TDRD9: variants seen among roughly 807,000 people sequenced by gnomAD.
TDRD9 encodes the protein tudor domain containing 9, also known as ATP-dependent RNA helicase TDRD9.
A neutral mutation model predicts 172.6 loss-of-function variants in TDRD9; 124 were observed. The ratio of observed to expected loss-of-function variants is 0.72; its 90% CI spans 0.62 to 0.83. TDRD9 has a LOEUF of 0.83. Ranked by LOEUF, TDRD9 falls within the 40% of genes least tolerant of loss-of-function variation. The pLI is 0.00. For missense variants in TDRD9, 1,479 were observed against 1,714.1 expected, an observed-to-expected ratio of 0.86 and a Z score of 2.42; for synonymous variants, 619 against 617.1, an observed-to-expected ratio of 1.00 and a Z score of -0.05.
At chr14:103,933,373 TCACG>T (rs1255675552) in intron 1 of TDRD9, among the ~76,000 whole-genome samples, 4 of 152,222 alleles carry the variant, frequency 2.6e-5, no homozygotes, top group Non-Finnish European at 5.9e-5. Context: ...TCTTCACAGC[TCACG>T]TTAACTCCTG....
At chr14:103,964,091 C>T (rs529482502) in intron 3 of TDRD9, among the ~76,000 whole-genome samples, 5 of 152,172 alleles carry the variant, frequency 3.3e-5, no homozygotes, top group African/African-American at 1.2e-4. Flanking sequence ...AACACACCCC[C>T]CAAAATTAGT....
chr14:103,967,616 A>G (rs2032808402), intron 5 of TDRD9, among the ~76,000 whole-genome samples: 1 of 152,214 alleles, frequency 6.6e-6, no homozygotes, highest in Admixed American at 6.5e-5. Context: ...GGGATAACGA[A>G]TAATACAACA....
chr14:103,950,303 T>C (rs1473339171), intron 1 of TDRD9, among the ~76,000 whole-genome samples: 1 of 151,494 alleles, frequency 6.6e-6, no homozygotes, highest in Non-Finnish European at 1.5e-5. Context: ...TTGGTTAGGC[T>C]GGGCTTGAAC....
intron 23 of TDRD9, among the ~76,000 whole-genome samples, chr14:104,021,261 C>T (rs558012266): frequency 6.9e-4 from 105 of 152,242 alleles, no homozygotes; most frequent in African/African-American, 2.5e-3. Flanking sequence ...CGCTCACAAT[C>T]CGGTCACCTC....
rs2035412109 is a variant in TDRD9, at chr14:104,035,120, G to T, written c.3716+64G>T. On this transcript the variant is annotated intron_variant, in intron 32 of 35. Transcript: ENST00000409874. ...AGAACCTGGGCGGGAAAAAACGGGT[G>T]CCTCTCCTTGCTCCTTTTGGAAAGA... The T allele has an allele frequency of 4.7e-6, 6 of 1,279,970 alleles. 1 individual carries two copies. The South Asian group carries it at 7.8e-5, about 17-fold the overall frequency. The allele number at this position is 1,279,970 out of a possible 1,614,324, so 79.3% of individuals were successfully genotyped here.
chr14:104,038,387 C>A (rs1469878923), intron 32 of TDRD9, among the ~76,000 whole-genome samples: 2 of 152,176 alleles, frequency 1.3e-5, no homozygotes, highest in Non-Finnish European at 2.9e-5. Context: ...CAAGCTACCC[C>A]AAAACTTCAG....
rs574925829 is a variant in TDRD9, at chr14:103,932,160, T to A, written c.215+3436T>A. Among the ~76,000 whole-genome samples the A allele has an allele frequency of 2.6e-5, 4 of 152,318 alleles. No individual in the cohort carries two copies. The East Asian group carries it at 7.7e-4, about 29-fold the overall frequency. On this transcript the variant is annotated intron_variant, in intron 1 of 35. Coordinates refer to ENST00000409874, the MANE Select transcript of TDRD9 (RefSeq NM_153046.3). ...CACCTGGACTTGTAATTAATTTGCC[T>A]TGTTTGAAACTGCTATGTTTTTGCG...
At position 104,039,092 on chromosome 14, in the gene TDRD9, T is replaced by C. The variant is rs143076506; in HGVS notation, c.3717-1104T>C. 8.5e-5 allele frequency among the ~76,000 whole-genome samples: 13 copies of C among 152,248 alleles called. No homozygotes were observed. In the East Asian group the frequency reaches 2.1e-3, roughly 25 times the overall value. On this transcript the variant is annotated intron_variant, in intron 32 of 35. Coordinates refer to ENST00000409874, the MANE Select transcript of TDRD9 (RefSeq NM_153046.3). The stretch of plus-strand genomic sequence containing the variant: ...GGAGGCTTCAGGAAACTTACAGTCA[T>C]GGTGGAAGGGAAAGCAAACACGTTC...
chr14:103,931,528 G>A (rs957018206), intron 1 of TDRD9, among the ~76,000 whole-genome samples: 6 of 152,072 alleles, frequency 3.9e-5, no homozygotes, highest in South Asian at 2.1e-4. Context: ...TATTGAATCC[G>A]CACAACAACA....
At chr14:103,952,882 G>C (rs1189224351) in intron 1 of TDRD9, among the ~76,000 whole-genome samples, 1 of 151,598 alleles carries the variant, frequency 6.6e-6, no homozygotes, top group Non-Finnish European at 1.5e-5. Context: ...TGGGATTACA[G>C]GTGCTCGCCA....
intron 7 of TDRD9, among the ~76,000 whole-genome samples, chr14:103,977,782 T>A (rs781612094): frequency 6.6e-6 from 1 of 152,148 alleles, no homozygotes; most frequent in Admixed American, 6.6e-5. Context: ...TGTTTTCTGC[T>A]AATAGCTTCA....
chr14:103,959,731 G>A (rs926170030), intron 2 of TDRD9, among the ~76,000 whole-genome samples: 2 of 152,146 alleles, frequency 1.3e-5, no homozygotes, highest in African/African-American at 4.8e-5. Context: ...CACCCATTCA[G>A]TGAATTTCTA....
rs747633046 is a variant in TDRD9 at position 103,975,371 on chromosome 14, T to C, written c.847-18T>C. On this transcript the variant is annotated intron_variant, in intron 6 of 35. Coordinates refer to ENST00000409874, the MANE Select transcript of TDRD9 (RefSeq NM_153046.3). ...TGATTCTCATTGTTTTATTTGAATG[T>C]TTTCTCTTACTCTGTAGGTGGTCCT... 3 of 1,596,278 alleles carry C rather than the reference T, an allele frequency of 1.9e-6. No individual in the cohort carries two copies. Among genetic ancestry groups the C allele is most frequent in the Non-Finnish European group, 2.6e-6 (3 of 1,169,666 alleles).
intron 1 of TDRD9, among the ~76,000 whole-genome samples, chr14:103,946,141 T>C (rs2031547507): frequency 6.6e-6 from 1 of 152,038 alleles, no homozygotes. Flanking sequence ...AATTTTTAAA[T>C]GTTTGGTGGA....
At chr14:103,946,112 C>A (rs1056239104) in intron 1 of TDRD9, among the ~76,000 whole-genome samples, 1 of 151,980 alleles carries the variant, frequency 6.6e-6, no homozygotes, top group Non-Finnish European at 1.5e-5. Flanking sequence ...ACTATAGGCA[C>A]GTGCCACCAT....
chr14:103,942,190 G>T (rs7145879), intron 1 of TDRD9: 2,466 of 154,700 alleles, frequency 0.016, 69 homozygotes, highest in African/African-American at 0.057. Context: ...TCCTAGGTGT[G>T]TCCTCTGTAG....
At chr14:103,937,080 C>G (rs2030817031) in intron 1 of TDRD9, among the ~76,000 whole-genome samples, 1 of 152,154 alleles carries the variant, frequency 6.6e-6, no homozygotes, top group African/African-American at 2.4e-5. Flanking sequence ...AGAGCAAGAG[C>G]CTGTCTCTTT....
Position 104,042,188 on chromosome 14 carries a change from G to T in TDRD9, c.3974+1G>T. 1 of 1,602,532 alleles carries T rather than the reference G, an allele frequency of 6.2e-7. No homozygotes were observed. The highest frequency in any genetic ancestry group is 8.5e-7 in the Non-Finnish European group (1 of 1,169,704). ...ACATTGCCCGTCAGAAGCTTTTAGGGTAAGCTGTGTGATGACGCGGGCTTC... is the reference window on the plus strand; with the variant it reads ...ACATTGCCCGTCAGAAGCTTTTAGGTTAAGCTGTGTGATGACGCGGGCTTC... On this transcript the variant is annotated splice_donor_variant, in intron 34 of 35. Transcript: ENST00000409874. LOFTEE classifies it high-confidence loss of function.
intron 23 of TDRD9, among the ~76,000 whole-genome samples, chr14:104,020,588 G>A (rs983868984): frequency 4.6e-5 from 7 of 152,200 alleles, no homozygotes; most frequent in African/African-American, 9.7e-5. Flanking sequence ...AGGAAAATGC[G>A]TGCATTTATG....
Sources: allele counts gnomAD v4.1 joint callset (sites outside exome capture counted in the v4.1 genomes callset), GRCh38; gene constraint gnomAD v4.1.1; transcripts MANE v1.5; gene names NCBI Gene and HGNC (gene_info 2026-07-23, HGNC 2026-07-21).